The following KLHL2 variants were observed in gnomAD, a reference collection of about 807,000 sequenced individuals.
The protein encoded by KLHL2 is kelch like family member 2.
KLHL2 carries 15 observed loss-of-function variants against 75.8 expected under a neutral mutation model. That is an observed-to-expected ratio of 0.20 (90% CI 0.13 to 0.30). The LOEUF (loss-of-function observed/expected upper bound fraction) is 0.30. Among genes scored for constraint, KLHL2 ranks in the 10% least tolerant of loss-of-function variants. The pLI, the probability that KLHL2 is intolerant of heterozygous loss-of-function variation, is 1.00. For missense variants in KLHL2, 381 were observed against 741.0 expected (o/e 0.51, Z 5.64); for synonymous variants, 214 against 251.9 (o/e 0.85, Z 1.42).
At chr4:165,281,581 C>T (rs113073673) in intron 5 of KLHL2, among the ~76,000 whole-genome samples, 9,458 of 152,050 alleles carry the variant, frequency 0.062, 442 homozygotes, top group African/African-American at 0.18. Flanking sequence ...TCCCAAAGTG[C>T]TAGGATTACA....
At chr4:165,249,940 C>T (rs1217984107) in intron 4 of KLHL2, among the ~76,000 whole-genome samples, 5 of 151,972 alleles carry the variant, frequency 3.3e-5, no homozygotes, top group South Asian at 2.1e-4. Flanking sequence ...CTGGCTAACA[C>T]GGTGAAACCC....
intron 1 of KLHL2, among the ~76,000 whole-genome samples, chr4:165,212,040 A>G (rs1737230826): frequency 6.6e-6 from 1 of 152,128 alleles, no homozygotes; most frequent in African/African-American, 2.4e-5. Context: ...TGATCCAGAG[A>G]AGGAAATTCA....
At chr4:165,298,275 G>A (rs911304219) in intron 7 of KLHL2, among the ~76,000 whole-genome samples, 66 of 88,156 alleles carry the variant, frequency 7.5e-4, no homozygotes, top group African/African-American at 2.2e-3. Flanking sequence ...CTTCTTTACT[G>A]TTTTTTTCTT....
chr4:165,294,319 A>G, intron 5 of KLHL2, 40 bp from the exon 6 acceptor site: 1 of 1,106,550 alleles, frequency 9.0e-7, no homozygotes. Context: ...TGATAATGGA[A>G]TGTTGATGTT....
At chr4:165,233,537 TTGAG>T (rs1739084623) in intron 3 of KLHL2, among the ~76,000 whole-genome samples, 1 of 152,152 alleles carries the variant, frequency 6.6e-6, no homozygotes, top group Non-Finnish European at 1.5e-5. Flanking sequence ...AGATTATTGT[TTGAG>T]TGACTAAGAA....
chr4:165,265,185 T>C (rs1742148941), intron 5 of KLHL2, among the ~76,000 whole-genome samples: 1 of 152,174 alleles, frequency 6.6e-6, no homozygotes, highest in South Asian at 2.1e-4. Flanking sequence ...TTTTAAGAAA[T>C]ATCTGTTCAT....
At chr4:165,271,505 C>A (rs1460424323) in intron 5 of KLHL2, among the ~76,000 whole-genome samples, 3 of 152,116 alleles carry the variant, frequency 2.0e-5, no homozygotes, top group African/African-American at 7.2e-5. Flanking sequence ...GATTTTGTAA[C>A]CTGAGGCTTT....
At chr4:165,275,692 T>A (rs1389283195) in intron 5 of KLHL2, among the ~76,000 whole-genome samples, 1 of 152,196 alleles carries the variant, frequency 6.6e-6, no homozygotes, top group Non-Finnish European at 1.5e-5. Context: ...TCCTCCTGCC[T>A]TGGCTTCCCA....
At position 165,311,451 on chromosome 4, in the gene KLHL2, T is replaced by C. The variant is rs200811116; in HGVS notation, c.1238-13T>C. 95 of 1,564,046 alleles carry C rather than the reference T, an allele frequency of 6.1e-5. 2 individuals carry two copies. The East Asian group carries it at 1.7e-3, about 28-fold the overall frequency. ...TTAGAGAAGGAAATGAAGACTATTG[T>C]GCTTTATTATAGGTTTGTCATCTGT... On this transcript the variant is annotated splice_polypyrimidine_tract_variant and intron_variant, in intron 10 of 14. Coordinates refer to ENST00000226725, the MANE Select transcript of KLHL2 (RefSeq NM_007246.4).
At chr4:165,305,284 C>G (rs1383086817) in intron 8 of KLHL2, among the ~76,000 whole-genome samples, 1 of 152,066 alleles carries the variant, frequency 6.6e-6, no homozygotes, top group Admixed American at 6.6e-5. Context: ...TATAGCAAGC[C>G]CTATGACATA....
At chr4:165,224,704 G>A (rs1738292384) in intron 2 of KLHL2, among the ~76,000 whole-genome samples, 2 of 152,200 alleles carry the variant, frequency 1.3e-5, no homozygotes, top group Non-Finnish European at 2.9e-5. Flanking sequence ...TAGATGGCAA[G>A]TGAATTAAAC....
chr4:165,297,844 C>T (rs1745031041), intron 7 of KLHL2, 119 bp downstream of exon 7: 1 of 736,440 alleles, frequency 1.4e-6, no homozygotes. Context: ...GAGTACAGGA[C>T]AGAAGACAGT....
intron 4 of KLHL2, among the ~76,000 whole-genome samples, chr4:165,245,019 C>T (rs1207370040): frequency 6.6e-6 from 1 of 152,056 alleles, no homozygotes; most frequent in Non-Finnish European, 1.5e-5. Flanking sequence ...GCCAGCCTGC[C>T]CAACATGGTG....
chr4:165,304,470 A>G (rs1007190313), intron 8 of KLHL2, among the ~76,000 whole-genome samples: 12 of 152,120 alleles, frequency 7.9e-5, no homozygotes, highest in African/African-American at 2.9e-4. Context: ...TCTTTCTAAC[A>G]TCTATTTTTC....
chr4:165,318,766 G>A (rs1223589079), intron 14 of KLHL2, among the ~76,000 whole-genome samples: 2 of 151,322 alleles, frequency 1.3e-5, no homozygotes, highest in Non-Finnish European at 2.9e-5. Flanking sequence ...ACTTACATGT[G>A]GATTTTTTTC....
At chr4:165,258,126 A>T (rs1741331468) in intron 4 of KLHL2, among the ~76,000 whole-genome samples, 1 of 152,222 alleles carries the variant, frequency 6.6e-6, no homozygotes. Context: ...CTAGAGGCAG[A>T]TGTACCCAAG....
chr4:165,212,205 A>T (rs1218387018), intron 1 of KLHL2, among the ~76,000 whole-genome samples: 1 of 152,182 alleles, frequency 6.6e-6, no homozygotes, highest in African/African-American at 2.4e-5. Flanking sequence ...CCTATGATTG[A>T]AACTAATAGC....
rs553395529 is a variant in KLHL2 at position 165,278,917 on chromosome 4, C to G, written c.545-15442C>G. ...GCACACCTTCCAAGGCCCCCGCTTT[C>G]ATTAGGCCATAGATCTCAGAAGAAC... On this transcript the variant is annotated intron_variant, in intron 5 of 14. Coordinates refer to ENST00000226725, the MANE Select transcript of KLHL2 (RefSeq NM_007246.4). The G allele has an allele frequency of 3.5e-5, 49 of 1,411,200 alleles. No homozygotes were observed. In the East Asian group the frequency reaches 1.1e-3, roughly 32 times the overall value. The allele number at this position is 1,411,200 out of a possible 1,614,324, so 87.4% of individuals were successfully genotyped here. A position where few individuals can be genotyped will look rare whatever the true frequency, so the allele number is the denominator to read the frequency against.
intron 5 of KLHL2, among the ~76,000 whole-genome samples, chr4:165,292,665 A>C (rs183532750): frequency 6.6e-6 from 1 of 152,254 alleles, no homozygotes; most frequent in Admixed American, 6.5e-5. Context: ...TTTTCATGAG[A>C]TTTATGAAAA....
Sources: allele counts gnomAD v4.1 joint callset (sites outside exome capture counted in the v4.1 genomes callset), GRCh38; gene constraint gnomAD v4.1.1; transcripts MANE v1.5; gene names NCBI Gene and HGNC (gene_info 2026-07-23, HGNC 2026-07-21).